TUSC3: variants seen among roughly 807,000 people sequenced by gnomAD.
The protein encoded by TUSC3 is tumor suppressor candidate 3.
TUSC3 carries 45 observed loss-of-function variants against 44.8 expected under a neutral mutation model. That is an observed-to-expected ratio of 1.00 (90% CI 0.79 to 1.29). TUSC3 has a LOEUF of 1.29. Among genes scored for constraint, TUSC3 ranks in the 50% most tolerant of loss-of-function variants. The pLI, the probability that TUSC3 is intolerant of heterozygous loss-of-function variation, is 0.00. For missense variants in TUSC3, 519 were observed against 437.9 expected (o/e 1.19, Z -1.65); for synonymous variants, 212 against 152.9 (o/e 1.39, Z -2.85).
intron 2 of TUSC3, among the ~76,000 whole-genome samples, chr8:15,526,650 A>G (rs1353902859): frequency 1.3e-5 from 2 of 152,012 alleles, no homozygotes; most frequent in East Asian, 3.9e-4. Flanking sequence ...TTCTGCCATG[A>G]TTGTGAGGCC....
intron 1 of TUSC3, among the ~76,000 whole-genome samples, chr8:15,573,230 A>ATATATATATATATATATATATAT (rs1491232177): frequency 2.8e-5 from 3 of 106,132 alleles, no homozygotes; most frequent in African/African-American, 1.2e-4. Flanking sequence ...ATATATATAT[A>ATATATATATATATATATATATAT]AAAGTTTTTT....
chr8:15,505,388 C>T (rs1021685939), intron 2 of TUSC3, among the ~76,000 whole-genome samples: 9 of 152,234 alleles, frequency 5.9e-5, no homozygotes, highest in Non-Finnish European at 1.2e-4. Flanking sequence ...CAGGTTTGTA[C>T]TTAATGTACT....
intron 1 of TUSC3, among the ~76,000 whole-genome samples, chr8:15,560,965 G>C (rs9682176): frequency 0.55 from 49,655 of 91,042 alleles, 14,384 homozygotes; most frequent in Non-Finnish European, 0.63. Flanking sequence ...TCCTGTAGCT[G>C]AGAGTAATTT....
At chr8:15,678,681 T>G (rs1808291262) in intron 6 of TUSC3, among the ~76,000 whole-genome samples, 1 of 152,210 alleles carries the variant, frequency 6.6e-6, no homozygotes, top group South Asian at 2.1e-4. Flanking sequence ...GGAGTACATG[T>G]GCAGGTTGTT....
At chr8:15,486,983 C>A (rs1800740812) in intron 2 of TUSC3, among the ~76,000 whole-genome samples, 4 of 152,226 alleles carry the variant, frequency 2.6e-5, no homozygotes, top group Middle Eastern at 6.8e-3. Flanking sequence ...ATCTAACACA[C>A]TATCTTATTT....
intron 2 of TUSC3, among the ~76,000 whole-genome samples, chr8:15,624,203 G>T (rs547731473): frequency 2.6e-5 from 4 of 152,160 alleles, no homozygotes; most frequent in African/African-American, 9.6e-5. Flanking sequence ...ATGTACTGCT[G>T]TTTATTTAAC....
chr8:15,498,188 A>G (rs961929127), intron 2 of TUSC3, among the ~76,000 whole-genome samples: 18 of 152,174 alleles, frequency 1.2e-4, no homozygotes, highest in Admixed American at 2.0e-4. Flanking sequence ...AGAAAAACAG[A>G]TGAGTTTATT....
chr8:15,798,130 T>G, the TUSC3 span, among the ~76,000 whole-genome samples: 6 of 152,334 alleles, frequency 3.9e-5, 1 homozygote, highest in South Asian at 1.2e-3. Context: ...TCAAAAACAT[T>G]GCCTCTGGCA....
chr8:15,631,808 C>T (rs558386601), intron 2 of TUSC3, among the ~76,000 whole-genome samples: 102 of 151,972 alleles, frequency 6.7e-4, no homozygotes, highest in Non-Finnish European at 1.3e-3. Context: ...CGGGTTCAAG[C>T]GATTCTCCTG....
In TUSC3 at chr8:15,708,302, A is replaced by G. The variant is rs146433300; in HGVS notation, c.799-22364A>G. On this transcript the variant is annotated intron_variant, in intron 6 of 10. Coordinates refer to ENST00000503731, the MANE Select transcript of TUSC3 (RefSeq NM_006765.4). ...GGAATACTGAGAAAGTTGATTGGGA[A>G]TAGATTAGGAAAAACCTTGTGTGTC... Among the ~76,000 whole-genome samples the G allele has an allele frequency of 7.1e-3, 1,077 of 152,032 alleles. 14 individuals are homozygous for G. The highest frequency in any genetic ancestry group is 0.024 in the African/African-American group (1,017 of 41,518).
chr8:15,757,695 A>C, intron 9 of TUSC3, 96 bp from the exon 10 acceptor site: 1 of 1,423,164 alleles, frequency 7.0e-7, no homozygotes, highest in South Asian at 1.2e-5. Context: ...TAAAGAATGT[A>C]GTGCTAAATC....
intron 6 of TUSC3, among the ~76,000 whole-genome samples, chr8:15,706,812 G>A (rs12545813): frequency 0.48 from 73,171 of 151,704 alleles, 19,889 homozygotes; most frequent in Non-Finnish European, 0.62. Flanking sequence ...CTTTAATAAA[G>A]TACTTGTAGA....
chr8:15,633,257 T>G (rs916226565), intron 2 of TUSC3, among the ~76,000 whole-genome samples: 1 of 152,192 alleles, frequency 6.6e-6, no homozygotes, highest in Non-Finnish European at 1.5e-5. Context: ...AGGATCTGTC[T>G]TGGTCCACAA....
chr8:15,735,876 T>TTG (rs142430430), intron 7 of TUSC3, among the ~76,000 whole-genome samples: 94,136 of 139,016 alleles, frequency 0.68, 29,924 homozygotes, highest in East Asian at 0.74. Flanking sequence ...ATGGGTTTTT[T>TTG]TTTTTTGTTT....
intron 1 of TUSC3, among the ~76,000 whole-genome samples, chr8:15,441,631 G>C (rs1330051843): frequency 1.3e-5 from 2 of 152,076 alleles, no homozygotes; most frequent in African/African-American, 4.8e-5. Flanking sequence ...CAATATTAGG[G>C]ACATTTCTCA....
chr8:15,620,616 A>G (rs10107831), intron 1 of TUSC3, among the ~76,000 whole-genome samples: 83,966 of 151,966 alleles, frequency 0.55, 23,338 homozygotes, highest in East Asian at 0.6. Context: ...AGTTAAGAGT[A>G]TGCATTCTTG....
intron 2 of TUSC3, among the ~76,000 whole-genome samples, chr8:15,515,049 C>T (rs1387420566): frequency 6.6e-6 from 1 of 152,038 alleles, no homozygotes; most frequent in Non-Finnish European, 1.5e-5. Context: ...TCTGGATTCT[C>T]ACTTCTTTTC....
chr8:15,693,181 A>G (rs943850327), intron 6 of TUSC3, among the ~76,000 whole-genome samples: 2 of 152,126 alleles, frequency 1.3e-5, no homozygotes, highest in African/African-American at 4.8e-5. Flanking sequence ...ATATGTATGG[A>G]TTTGATCCTG....
chr8:15,443,694 T>C lies in TUSC3; in HGVS notation n.91+26389T>C, dbSNP rs565216310. Among the ~76,000 whole-genome samples, 6 of 152,252 alleles carry C rather than the reference T, an allele frequency of 3.9e-5. No individual in the cohort carries two copies. The East Asian group carries it at 7.7e-4, about 20-fold the overall frequency. On this transcript the variant is annotated intron_variant and non_coding_transcript_variant, in intron 1 of 5. Transcript: ENST00000503191. ...TCTTGCCTGGAGACTAGACTGCCTT[T>C]GTAGGACTAACAAACTAGCCACAAG... is the stretch of plus-strand genomic sequence containing the variant.
Sources: gnomAD v4.1 joint callset for allele counts (sites outside exome capture counted in the v4.1 genomes callset) on GRCh38, gnomAD v4.1.1 for gene constraint, MANE v1.5 for transcripts, NCBI Gene and HGNC (gene_info 2026-07-23, HGNC 2026-07-21) for gene names.